The following RANBP17 variants were observed in gnomAD, a reference collection of about 807,000 sequenced individuals.
The protein encoded by RANBP17 is ran-binding protein 17.
A neutral mutation model predicts 141.2 loss-of-function variants in RANBP17; 158 were observed. The ratio of observed to expected loss-of-function variants is 1.12; its 90% CI spans 0.98 to 1.28. The LOEUF (loss-of-function observed/expected upper bound fraction) is 1.28. RANBP17 is among the 50% of genes most tolerant of loss of function. The pLI, the probability that RANBP17 is intolerant of heterozygous loss-of-function variation, is 0.00. For synonymous variants in RANBP17, 430 were observed against 450.0 expected, an observed-to-expected ratio of 0.96 and a Z score of 0.56; for missense variants, 1,438 against 1,290.7, an observed-to-expected ratio of 1.11 and a Z score of -1.75.
chr5:170,975,052 C>T (rs930595838), intron 14 of RANBP17, among the ~76,000 whole-genome samples: 1 of 152,190 alleles, frequency 6.6e-6, no homozygotes, highest in Non-Finnish European at 1.5e-5. Flanking sequence ...AGTCCAGGCA[C>T]ACCTTTTGTG....
At chr5:171,230,752 ACT>A (rs1279476437) in intron 22 of RANBP17, among the ~76,000 whole-genome samples, 3 of 151,972 alleles carry the variant, frequency 2.0e-5, no homozygotes, top group African/African-American at 7.3e-5. Flanking sequence ...ACAGAGCAAG[ACT>A]CTGTTAAAAA....
chr5:171,114,198 T>TCTA (rs1188384457), intron 14 of RANBP17, among the ~76,000 whole-genome samples: 1 of 152,182 alleles, frequency 6.6e-6, no homozygotes, highest in Non-Finnish European at 1.5e-5. Flanking sequence ...GAACTGCTAC[T>TCTA]CTACAGTGTT....
chr5:171,225,834 A>C (rs556876547), intron 22 of RANBP17, among the ~76,000 whole-genome samples: 53 of 152,172 alleles, frequency 3.5e-4, no homozygotes, highest in Non-Finnish European at 7.5e-4. Context: ...TACTTTTGAT[A>C]TGCTGTTTTA....
chr5:171,094,027 G>A (rs901899159), intron 14 of RANBP17, among the ~76,000 whole-genome samples: 7 of 152,200 alleles, frequency 4.6e-5, no homozygotes, highest in African/African-American at 1.4e-4. Flanking sequence ...GTAAAGGAGT[G>A]AAGTTTGTTT....
In RANBP17 at chr5:171,103,918, C is replaced by T. The variant is rs532123569; in HGVS notation, c.1711-66212C>T. ...CCCACCCACCCTTCTTCGGCTCGCC[C>T]TCTGTGGACTGTACCCACTGTCTAA... On this transcript the variant is annotated intron_variant, in intron 14 of 27. Coordinates refer to ENST00000523189, the MANE Select transcript of RANBP17 (RefSeq NM_022897.5). Among the ~76,000 whole-genome samples, 18 of 152,310 alleles carry T rather than the reference C, an allele frequency of 1.2e-4. No homozygotes were observed. In the East Asian group the frequency reaches 1.7e-3, roughly 15 times the overall value.
Position 170,916,445 on chromosome 5 carries a change from AT to A in RANBP17, c.835-13del. On this transcript the variant is annotated intron_variant, in intron 8 of 27. Transcript: ENST00000523189. ...CAGATACTTTGAAAATTGAAATGAA[AT>A]TTTTTTGGTATTTTTTAGGCACTTT... The A allele has an allele frequency of 5.3e-6, 8 of 1,509,704 alleles. No individual in the cohort carries two copies. Among genetic ancestry groups the A allele is most frequent in the East Asian group, 4.7e-5 (2 of 42,372 alleles). The allele number at this position is 1,509,704 out of a possible 1,614,324, so 93.5% of individuals were successfully genotyped here.
At chr5:171,023,078 T>G (rs1227238831) in intron 14 of RANBP17, among the ~76,000 whole-genome samples, 1 of 152,238 alleles carries the variant, frequency 6.6e-6, no homozygotes, top group Non-Finnish European at 1.5e-5. Context: ...TTGTTCTTCC[T>G]TCCTCTCTGG....
intron 14 of RANBP17, among the ~76,000 whole-genome samples, chr5:170,981,501 A>T (rs934375964): frequency 2.6e-5 from 4 of 151,356 alleles, no homozygotes; most frequent in African/African-American, 9.7e-5. Flanking sequence ...TGTTCTTGTG[A>T]TAGGAAGTCT....
intron 14 of RANBP17, among the ~76,000 whole-genome samples, chr5:171,058,667 G>A (rs1443672126): frequency 6.7e-6 from 1 of 150,056 alleles, no homozygotes; most frequent in East Asian, 1.9e-4. Flanking sequence ...AGTCCTTTGG[G>A]TATATACCCA....
intron 12 of RANBP17, among the ~76,000 whole-genome samples, chr5:170,943,599 A>G (rs544592833): frequency 5.3e-5 from 8 of 152,264 alleles, no homozygotes; most frequent in African/African-American, 1.9e-4. Context: ...AAAAATGGAA[A>G]ATTATAATGG....
At chr5:170,940,374 A>C (rs1774228660) in intron 12 of RANBP17, among the ~76,000 whole-genome samples, 1 of 152,132 alleles carries the variant, frequency 6.6e-6, no homozygotes, top group Non-Finnish European at 1.5e-5. Context: ...AAAATTTAAA[A>C]CTTTTTGAGC....
intron 14 of RANBP17, among the ~76,000 whole-genome samples, chr5:171,046,878 A>G (rs1422752508): frequency 6.6e-6 from 1 of 152,168 alleles, no homozygotes; most frequent in Non-Finnish European, 1.5e-5. Flanking sequence ...ATTTAAACTC[A>G]GTATTCTGAA....
At position 171,004,745 on chromosome 5, in the gene RANBP17, G is replaced by A. The variant is rs190848462; in HGVS notation, c.1710+36368G>A. Among the ~76,000 whole-genome samples, 148 of 152,198 alleles carry A rather than the reference G, an allele frequency of 9.7e-4. 3 individuals carry two copies. The highest frequency in any genetic ancestry group is 3.4e-3 in the African/African-American group (142 of 41,512). On this transcript the variant is annotated intron_variant, in intron 14 of 27. Transcript: ENST00000523189. The stretch of plus-strand genomic sequence containing the variant: ...TTTAGGAGCAGCAGTGATGTGAGTC[G>A]GACAGTCTGACCTCCAGCGGGGGCC...
intron 14 of RANBP17, among the ~76,000 whole-genome samples, chr5:171,062,337 T>A (rs1481278156): frequency 6.6e-6 from 1 of 152,216 alleles, no homozygotes; most frequent in Non-Finnish European, 1.5e-5. Context: ...CTTCAGGAGC[T>A]CTTGTAGGGC....
intron 14 of RANBP17, among the ~76,000 whole-genome samples, chr5:171,141,621 C>CAAAAAAA (rs10691735): frequency 7.2e-5 from 4 of 55,312 alleles, no homozygotes; most frequent in Admixed American, 2.7e-4. Flanking sequence ...GACTCCATCT[C>CAAAAAAA]AAAAAAAAAA....
intron 24 of RANBP17, among the ~76,000 whole-genome samples, chr5:171,259,666 G>A (rs767038329): frequency 6.6e-6 from 1 of 152,142 alleles, no homozygotes; most frequent in African/African-American, 2.4e-5. Flanking sequence ...ATTTAATCAC[G>A]TGGAGGTAGA....
At chr5:171,100,849 C>T (rs992422887) in intron 14 of RANBP17, among the ~76,000 whole-genome samples, 7 of 152,146 alleles carry the variant, frequency 4.6e-5, no homozygotes, top group African/African-American at 1.4e-4. Flanking sequence ...GCCTTAATTT[C>T]GTTATTTACC....
chr5:170,878,368 C>G (rs755846827), intron 2 of RANBP17, 125 bp downstream of exon 2: 140 of 807,036 alleles, frequency 1.7e-4, no homozygotes, highest in Middle Eastern at 3.9e-4. Flanking sequence ...TTTTGTGAAA[C>G]TATAGTTTCA....
chr5:171,141,707 G>A (rs1241063411), intron 14 of RANBP17, among the ~76,000 whole-genome samples: 1 of 151,368 alleles, frequency 6.6e-6, no homozygotes, highest in East Asian at 1.9e-4. Context: ...TTAATTAAGA[G>A]GAGGCTGAAA....
Sources: allele counts gnomAD v4.1 joint callset (sites outside exome capture counted in the v4.1 genomes callset), GRCh38; gene constraint gnomAD v4.1.1; transcripts MANE v1.5; gene names NCBI Gene and HGNC (gene_info 2026-07-23, HGNC 2026-07-21).